IRAG2: variants seen among roughly 807,000 people sequenced by gnomAD.
IRAG2 encodes the protein inositol 1,4,5-triphosphate receptor associated 2.
A neutral mutation model predicts 69.9 loss-of-function variants in IRAG2; 45 were observed. The observed-to-expected ratio is 0.64, with a 90% CI of 0.51 to 0.83. The LOEUF (loss-of-function observed/expected upper bound fraction) is 0.83, where lower values mean the gene tolerates loss of function less well. Among genes scored for constraint, IRAG2 ranks in the 40% least tolerant of loss-of-function variants. The pLI, the probability that IRAG2 is intolerant of heterozygous loss-of-function variation, is 0.00. For missense variants in IRAG2, 520 were observed against 587.0 expected, an observed-to-expected ratio of 0.89 and a Z score of 1.18; for synonymous variants, 193 against 202.4, an observed-to-expected ratio of 0.95 and a Z score of 0.40.
chr12:25,103,729 G>T (rs1948879952), intron 17 of IRAG2, 108 bp from the exon 18 acceptor site: 4 of 767,120 alleles, frequency 5.2e-6, no homozygotes, highest in Middle Eastern at 3.7e-4. Flanking sequence ...GTTTAACTCA[G>T]CTGTGGTCAA....
Position 25,101,601 on chromosome 12 carries a change from T to C in IRAG2, c.889+276T>C, listed in dbSNP as rs776197628. On this transcript the variant is annotated intron_variant, in intron 16 of 21. Transcript: ENST00000556887. ...TTTAATCCAACTCATGAAGTTGACC[T>C]TAGTGTTCCCCTACTTAGGATACAT... is the stretch of plus-strand genomic sequence containing the variant. Among the ~76,000 whole-genome samples, 103 of 152,196 alleles carry C rather than the reference T, an allele frequency of 6.8e-4. 1 individual carries two copies. Among genetic ancestry groups the C allele is most frequent in the Non-Finnish European group, 8.2e-4 (56 of 68,036 alleles).
At chr12:25,044,634 A>G (rs1372180981) in intron 16 of IRAG2, among the ~76,000 whole-genome samples, 2 of 152,192 alleles carry the variant, frequency 1.3e-5, no homozygotes, top group Non-Finnish European at 2.9e-5. Flanking sequence ...ACTATATCAG[A>G]CAAAATAGAC....
At chr12:25,001,768 T>TG (rs1196443558), upstream of IRAG2, among the ~76,000 whole-genome samples, 1 of 145,854 alleles carries the variant, frequency 6.9e-6, no homozygotes, top group Non-Finnish European at 1.5e-5. Flanking sequence ...ACTACTCTTT[T>TG]GGTTTTTTTT....
At chr12:25,021,542 A>C in intron 7 of IRAG2, among the ~76,000 whole-genome samples, 1 of 151,006 alleles carries the variant, frequency 6.6e-6, no homozygotes, top group East Asian at 1.9e-4. Context: ...TTATAATTTC[A>C]GAGCAAAAGA....
chr12:25,060,639 C>T (rs1256467162), intron 1 of IRAG2, among the ~76,000 whole-genome samples: 1 of 148,816 alleles, frequency 6.7e-6, no homozygotes, highest in Non-Finnish European at 1.5e-5. Flanking sequence ...AGTAGGAGGT[C>T]AGACTGAATG....
In IRAG2 at chr12:25,031,861, C is replaced by A. The variant is rs555268181; in HGVS notation, c.1519-281C>A. Among the ~76,000 whole-genome samples the A allele has an allele frequency of 4.6e-5, 7 of 152,242 alleles. No homozygotes were observed. The South Asian group carries it at 1.4e-3, about 32-fold the overall frequency. On this transcript the variant is annotated intron_variant, in intron 10 of 38. Coordinates refer to the IRAG2 transcript ENST00000636465. ...GTTTTTAGTAGAGACAGGGTTTCCC[C>A]ATGTTGGTCAGGCTGGTCTGGACCT...
At chr12:25,049,644 A>G (rs1029220326), upstream of IRAG2, among the ~76,000 whole-genome samples, 1 of 152,240 alleles carries the variant, frequency 6.6e-6, no homozygotes, top group African/African-American at 2.4e-5. Context: ...GGAAAATGCA[A>G]GTTAAGACTA....
At chr12:25,060,886 C>T (rs2012450) in intron 1 of IRAG2, among the ~76,000 whole-genome samples, 28,591 of 151,058 alleles carry the variant, frequency 0.19, 2,818 homozygotes, top group African/African-American at 0.21. Context: ...CAGGCTAGTC[C>T]CAAAGTACTG....
chr12:25,005,059 G>A (rs1944420521), intron 1 of IRAG2: 1 of 613,196 alleles, frequency 1.6e-6, no homozygotes, highest in Non-Finnish European at 2.4e-6. Context: ...AACTATGTTT[G>A]TTTCCAGAAC....
chr12:25,024,847 A>G (rs1306868256), intron 8 of IRAG2, among the ~76,000 whole-genome samples: 2 of 152,254 alleles, frequency 1.3e-5, no homozygotes, highest in Non-Finnish European at 2.9e-5. Flanking sequence ...TATTTAGATG[A>G]GTGACACGTA....
At chr12:25,102,971 A>T (rs1336703875) in intron 17 of IRAG2, among the ~76,000 whole-genome samples, 1 of 152,212 alleles carries the variant, frequency 6.6e-6, no homozygotes, top group Non-Finnish European at 1.5e-5. Flanking sequence ...GGGAAGAGAA[A>T]CACAGAAGTT....
At position 25,108,195 on chromosome 12, in the gene IRAG2, T is replaced by G. The variant is rs960565449; in HGVS notation, c.*135T>G. ...GAATGACTGTAAGATAGCTTACATT[T>G]CCTCTTTTTGCCTTTATCTCCCCAA... On this transcript the variant is annotated 3_prime_UTR_variant, in exon 22 of 22. Coordinates refer to ENST00000556887, the MANE Select transcript of IRAG2 (RefSeq NM_001366544.2). 3.6e-5 allele frequency: 36 copies of G among 995,640 alleles called. No homozygotes were observed. The highest frequency in any genetic ancestry group is 3.3e-4 in the Middle Eastern group (1 of 3,026). The allele number at this position is 995,640 out of a possible 1,614,324, so 61.7% of individuals were successfully genotyped here. A position where few individuals can be genotyped will look rare whatever the true frequency, so the allele number is the denominator to read the frequency against.
chr12:25,097,450 T>C (rs920928925), intron 15 of IRAG2: 3 of 153,320 alleles, frequency 2.0e-5, no homozygotes, highest in Non-Finnish European at 4.4e-5. Flanking sequence ...ATTTAACCAA[T>C]TCCTTGTATT....
At chr12:25,030,228 T>C in intron 9 of IRAG2, 1 of 1,168,958 alleles carries the variant, frequency 8.6e-7, no homozygotes, top group Non-Finnish European at 1.1e-6. Context: ...GCACTGTCCT[T>C]TTACCAAAGC....
chr12:25,050,524 T>G (rs1418439430), upstream of IRAG2, among the ~76,000 whole-genome samples: 1 of 80,068 alleles, frequency 1.2e-5, no homozygotes, highest in African/African-American at 3.7e-5. Context: ...CGAGACTCCG[T>G]CTCAAAAAAA....
chr12:25,024,256 G>A (rs1483874842), intron 8 of IRAG2, among the ~76,000 whole-genome samples: 1 of 152,162 alleles, frequency 6.6e-6, no homozygotes, highest in Non-Finnish European at 1.5e-5. Flanking sequence ...GAACAAAGTG[G>A]CAAGAGTCTT....
chr12:25,029,666 TG>T (rs146918315), intron 9 of IRAG2, among the ~76,000 whole-genome samples: 1,481 of 137,720 alleles, frequency 0.011, 25 homozygotes, highest in African/African-American at 0.034. Context: ...TGTTACAATA[TG>T]TTTTTTTTTT....
chr12:25,002,538 G>A (rs1202908991), upstream of IRAG2, among the ~76,000 whole-genome samples: 1 of 152,146 alleles, frequency 6.6e-6, no homozygotes, highest in African/African-American at 2.4e-5. Flanking sequence ...AATCCTAGGA[G>A]AGATCAGAAA....
chr12:25,088,224 T>C, intron 11 of IRAG2, 67 bp downstream of exon 11: 1 of 1,291,274 alleles, frequency 7.7e-7, no homozygotes, highest in African/African-American at 1.5e-5. Context: ...GTGGGTGAAA[T>C]CTGTCTGAAT....
Sources: allele counts gnomAD v4.1 joint callset (sites outside exome capture counted in the v4.1 genomes callset), GRCh38; gene constraint gnomAD v4.1.1; transcripts MANE v1.5; gene names NCBI Gene and HGNC (gene_info 2026-07-23, HGNC 2026-07-21).